XYLB: variants seen among roughly 807,000 people sequenced by gnomAD.
XYLB encodes xylulokinase.
Under a neutral mutation model 78.7 loss-of-function variants are expected in XYLB, and 62 were observed. The observed-to-expected ratio is 0.79, with a 90% CI of 0.64 to 0.97. The LOEUF is 0.97. XYLB is among the 50% of genes least tolerant of loss of function. The pLI is 0.00. For missense variants in XYLB, 687 were observed against 676.8 expected (o/e 1.02, Z -0.17); for synonymous variants, 245 against 247.4 (o/e 0.99, Z 0.09).
chr3:38,355,044 T>C (rs764424019), intron 2 of XYLB, among the ~76,000 whole-genome samples: 19 of 152,202 alleles, frequency 1.2e-4, no homozygotes, highest in Non-Finnish European at 2.1e-4. Context: ...CCCTTTGCAA[T>C]GTGACTGTAA....
chr3:38,427,062 T>A, the XYLB span, among the ~76,000 whole-genome samples: 2 of 152,096 alleles, frequency 1.3e-5, no homozygotes, highest in Non-Finnish European at 2.9e-5. Flanking sequence ...TGCTTTTAGC[T>A]AATCTACAAT....
the XYLB span, among the ~76,000 whole-genome samples, chr3:38,432,347 T>A: frequency 2.0e-5 from 3 of 152,118 alleles, no homozygotes; most frequent in Non-Finnish European, 2.9e-5. Context: ...GGTGTGTGGA[T>A]CTCGAGGTCA....
chr3:38,442,524 C>T, the XYLB span, among the ~76,000 whole-genome samples: 3 of 152,248 alleles, frequency 2.0e-5, no homozygotes, highest in African/African-American at 7.2e-5. Flanking sequence ...CAGGGGAATA[C>T]AGAAGGCATC....
intron 5 of XYLB, 111 bp downstream of exon 5, chr3:38,365,396 C>A: frequency 1.5e-6 from 2 of 1,376,634 alleles, no homozygotes; most frequent in Non-Finnish European, 2.0e-6. Flanking sequence ...GCGCCCTCAC[C>A]AGAAGAGCTT....
At chr3:38,402,577 A>C (rs1318378065) in intron 18 of XYLB, among the ~76,000 whole-genome samples, 1 of 152,198 alleles carries the variant, frequency 6.6e-6, no homozygotes, top group Non-Finnish European at 1.5e-5. Flanking sequence ...AGGACATTTA[A>C]GTTCTGATTC....
At chr3:38,444,993 C>A in the XYLB span, among the ~76,000 whole-genome samples, 2 of 152,150 alleles carry the variant, frequency 1.3e-5, no homozygotes, top group Admixed American at 1.3e-4. Context: ...CCCTCTTAGA[C>A]CGCAAAGAGG....
the XYLB span, among the ~76,000 whole-genome samples, chr3:38,431,222 T>G: frequency 6.6e-6 from 1 of 152,218 alleles, no homozygotes; most frequent in East Asian, 1.9e-4. Context: ...TATCCTCTTT[T>G]ATTTCATTGA....
At chr3:38,351,926 G>A (rs1047702881) in intron 2 of XYLB, among the ~76,000 whole-genome samples, 1 of 152,226 alleles carries the variant, frequency 6.6e-6, no homozygotes, top group African/African-American at 2.4e-5. Flanking sequence ...CACCTGATGA[G>A]GGATATTGGG....
intron 15 of XYLB, among the ~76,000 whole-genome samples, chr3:38,384,815 C>CGT (rs1179308203): frequency 2.6e-5 from 4 of 151,888 alleles, no homozygotes; most frequent in Non-Finnish European, 4.4e-5. Flanking sequence ...CGACCTGACA[C>CGT]GTGTGTGTGT....
rs148668472 is a variant in XYLB at position 38,394,659 on chromosome 3, A to C, written c.1292-846A>C. On this transcript the variant is annotated intron_variant, in intron 15 of 18. Coordinates refer to ENST00000207870, the MANE Select transcript of XYLB (RefSeq NM_005108.4). Reference sequence around the variant, plus strand: ...TTATCTCAAAATTTAGCAGCTTAAAACAGTAATAAATGTTTATTCTCTTAT... The same window carrying C: ...TTATCTCAAAATTTAGCAGCTTAAACCAGTAATAAATGTTTATTCTCTTAT... Among the ~76,000 whole-genome samples the C allele has an allele frequency of 5.5e-3, 833 of 152,358 alleles. 8 individuals carry two copies. Among genetic ancestry groups the C allele is most frequent in the African/African-American group, 0.019 (805 of 41,576 alleles).
chr3:38,353,220 A>T (rs1236226362), intron 2 of XYLB, among the ~76,000 whole-genome samples: 4 of 152,200 alleles, frequency 2.6e-5, no homozygotes, highest in African/African-American at 9.6e-5. Flanking sequence ...TTTGGAGTTT[A>T]TCCAGGTACG....
chr3:38,431,886 G>A, the XYLB span, among the ~76,000 whole-genome samples: 1 of 152,054 alleles, frequency 6.6e-6, no homozygotes, highest in African/African-American at 2.4e-5. Flanking sequence ...TGGGGAAACT[G>A]CCCCCATGAT....
chr3:38,427,087 C>T, the XYLB span, among the ~76,000 whole-genome samples: 11 of 152,212 alleles, frequency 7.2e-5, no homozygotes, highest in African/African-American at 2.4e-4. Context: ...AGAAGCAATG[C>T]TTATCACTGG....
Position 38,376,998 on chromosome 3 carries a change from G to T in XYLB, c.1194+7G>T. ...TAACACAGAAAACCACAAGGTACAT[G>T]TGCTGTTGGTGTTGGAGTTACATTG... On this transcript the variant is annotated splice_region_variant and intron_variant, in intron 14 of 18. Coordinates refer to ENST00000207870, the MANE Select transcript of XYLB (RefSeq NM_005108.4). 6.2e-7 allele frequency: 1 copy of T among 1,612,388 alleles called. No homozygotes were observed. The highest frequency in any genetic ancestry group is 8.5e-7 in the Non-Finnish European group (1 of 1,178,846).
the XYLB span, among the ~76,000 whole-genome samples, chr3:38,427,730 C>T: frequency 2.6e-5 from 4 of 151,946 alleles, no homozygotes; most frequent in Non-Finnish European, 5.9e-5. Context: ...GTAGCTGGGA[C>T]TACAGGCGCC....
the XYLB span, among the ~76,000 whole-genome samples, chr3:38,428,774 A>C: frequency 6.6e-6 from 1 of 152,186 alleles, no homozygotes; most frequent in East Asian, 1.9e-4. Context: ...TGGTTTCTTT[A>C]AATCCCACAT....
At chr3:38,372,065 T>G (rs1240544583) in intron 9 of XYLB, among the ~76,000 whole-genome samples, 2 of 152,250 alleles carry the variant, frequency 1.3e-5, no homozygotes, top group African/African-American at 2.4e-5. Flanking sequence ...AAAAGGCATT[T>G]TCATTTGTCA....
intron 2 of XYLB, among the ~76,000 whole-genome samples, chr3:38,353,951 C>T (rs1304990397): frequency 1.3e-5 from 2 of 150,320 alleles, no homozygotes; most frequent in Non-Finnish European, 3.0e-5. Context: ...TTATCATGTG[C>T]TACTTTCTGT....
rs1250033560 is a variant in XYLB at position 38,414,337 on chromosome 3, G to A, written c.*1324G>A. The A allele has an allele frequency of 3.3e-5, 5 of 152,180 alleles. No homozygotes were observed. Among genetic ancestry groups the A allele is most frequent in the Admixed American group, 3.3e-4 (5 of 15,280 alleles). The allele number at this position is 152,180 out of a possible 1,614,324, so 9.4% of individuals were successfully genotyped here. A position where few individuals can be genotyped will look rare whatever the true frequency, so the allele number is the denominator to read the frequency against. Reference sequence around the variant, plus strand: ...GAGTGGTGTCCTTTGGAGGCATGGTGGATGAAAGGCGCAAAGGAAGCAAGA... The same window carrying A: ...GAGTGGTGTCCTTTGGAGGCATGGTAGATGAAAGGCGCAAAGGAAGCAAGA... On this transcript the variant is annotated 3_prime_UTR_variant, in exon 19 of 19. Coordinates refer to ENST00000207870, the MANE Select transcript of XYLB (RefSeq NM_005108.4).
Sources: gnomAD v4.1 joint callset for allele counts (sites outside exome capture counted in the v4.1 genomes callset) on GRCh38, gnomAD v4.1.1 for gene constraint, MANE v1.5 for transcripts, NCBI Gene and HGNC (gene_info 2026-07-23, HGNC 2026-07-21) for gene names.